KIF1A: variants seen among roughly 807,000 people sequenced by gnomAD.
KIF1A encodes kinesin family member 1A, also known as kinesin-like protein KIF1A.
A neutral mutation model predicts 227.3 loss-of-function variants in KIF1A; 46 were observed. The ratio of observed to expected loss-of-function variants is 0.20; its 90% CI spans 0.16 to 0.26. The LOEUF (loss-of-function observed/expected upper bound fraction) is 0.26. Ranked by LOEUF, KIF1A falls within the 10% of genes least tolerant of loss-of-function variation. KIF1A has a pLI of 1.00. For missense variants in KIF1A, 1,683 were observed against 2,485.9 expected, an observed-to-expected ratio of 0.68 and a Z score of 6.87; for synonymous variants, 1,022 against 1,012.8, an observed-to-expected ratio of 1.01 and a Z score of -0.17.
In KIF1A at chr2:240,714,865, C is replaced by A. The variant is rs565866804; in HGVS notation, c.*2499G>T. The A allele has an allele frequency of 6.6e-6, 1 of 152,270 alleles. No homozygotes were observed. Among genetic ancestry groups the A allele is most frequent in the African/African-American group, 2.4e-5 (1 of 41,454 alleles). 9.4% of individuals were successfully genotyped at this position (152,270 alleles called of 1,614,324 possible). A position where few individuals can be genotyped will look rare whatever the true frequency, so the allele number is the denominator to read the frequency against. On this transcript the variant is annotated 3_prime_UTR_variant, in exon 49 of 49. Coordinates refer to ENST00000498729, the MANE Select transcript of KIF1A (RefSeq NM_001244008.2). ...CTCTGGGTCCTAGCCAAGGCCAACA[C>A]GGCACCTGGCTGAGAGGACACAGCC... is the stretch of plus-strand genomic sequence containing the variant.
chr2:240,765,500 G>A (rs2051058893), intron 20 of KIF1A, among the ~76,000 whole-genome samples: 1 of 152,260 alleles, frequency 6.6e-6, no homozygotes, highest in South Asian at 2.1e-4. Context: ...TTGTGTGAAT[G>A]GGGCCTGTAG....
chr2:240,759,456 C>G (rs899094576), intron 25 of KIF1A, among the ~76,000 whole-genome samples: 1 of 152,192 alleles, frequency 6.6e-6, no homozygotes. Flanking sequence ...CAACTAGGGA[C>G]AGCCCTATGC....
chr2:240,747,453 G>A (rs1042368316), intron 28 of KIF1A, 132 bp from the exon 29 acceptor site: 9 of 641,706 alleles, frequency 1.4e-5, no homozygotes, highest in Middle Eastern at 4.1e-4. Flanking sequence ...ACCCCTGACC[G>A]AATCTGCCAC....
chr2:240,778,563 G>A lies in KIF1A; in HGVS notation c.883-2637C>T, dbSNP rs187670202. Among the ~76,000 whole-genome samples, 309 of 121,632 alleles carry A rather than the reference G, an allele frequency of 2.5e-3. No homozygotes were observed. The highest frequency in any genetic ancestry group is 0.011 in the African/African-American group (298 of 26,814). The allele number at this position is 121,632 out of a possible 152,430, so 79.8% of individuals were successfully genotyped here. On this transcript the variant is annotated intron_variant, in intron 10 of 48. Transcript: ENST00000498729. The surrounding 1 kb of genome is among the most constrained non-coding windows in gnomAD (Gnocchi z 7.2). The stretch of plus-strand genomic sequence containing the variant: ...ACACACAGGCTTCTCAGTGTCCCAC[G>A]GGCCTCACAGCAGCCACGCAGCTCC...
Position 240,788,364 on chromosome 2 carries a change from C to G in KIF1A, c.184-134G>C. 1 of 759,248 alleles carries G rather than the reference C, an allele frequency of 1.3e-6. No homozygotes were observed. The highest frequency in any genetic ancestry group is 1.6e-5 in the South Asian group (1 of 63,608). The allele number at this position is 759,248 out of a possible 1,614,324, so 47.0% of individuals were successfully genotyped here. On this transcript the variant is annotated intron_variant, in intron 3 of 48. Transcript: ENST00000498729. This position sits in a 1 kb window ranked among gnomAD's most constrained non-coding sequence, Gnocchi z 6.6. The stretch of plus-strand genomic sequence containing the variant: ...GCACAGTGGGGAGGGATGCCTGCCC[C>G]CCATCCTACTCCTGCCTTGTGGGGT...
chr2:240,803,115 G>T (rs1403837362), intron 1 of KIF1A, among the ~76,000 whole-genome samples: 1 of 152,144 alleles, frequency 6.6e-6, no homozygotes, highest in Non-Finnish European at 1.5e-5. Flanking sequence ...CAACCCAATT[G>T]CTTGGACACT....
At chr2:240,800,123 C>A (rs1441217461) in intron 1 of KIF1A, among the ~76,000 whole-genome samples, 2 of 151,638 alleles carry the variant, frequency 1.3e-5, no homozygotes, top group Non-Finnish European at 2.9e-5. Flanking sequence ...CACACACACA[C>A]ACACACACAC....
Position 240,725,500 on chromosome 2 carries a change from C to T in KIF1A, c.4123-96G>A. The T allele has an allele frequency of 1.5e-6, 2 of 1,364,722 alleles. No individual in the cohort carries two copies. Among genetic ancestry groups the T allele is most frequent in the South Asian group, 1.3e-5 (1 of 74,966 alleles). The allele number at this position is 1,364,722 out of a possible 1,614,324, so 84.5% of individuals were successfully genotyped here. ...CTGGGGGCACAATGCCCAGCACCGACAGGCAGCCCCAGGGCCTTCCCAGGG... is the reference window on the plus strand; with the variant it reads ...CTGGGGGCACAATGCCCAGCACCGATAGGCAGCCCCAGGGCCTTCCCAGGG... On this transcript the variant is annotated intron_variant, in intron 39 of 48. Transcript: ENST00000498729. This position sits in a 1 kb window ranked among gnomAD's most constrained non-coding sequence, Gnocchi z 5.8.
At chr2:240,810,905 C>T (rs772935514) in intron 1 of KIF1A, among the ~76,000 whole-genome samples, 4 of 152,184 alleles carry the variant, frequency 2.6e-5, no homozygotes, top group Non-Finnish European at 5.9e-5. Context: ...TGATGTGGGT[C>T]GGCCGAGATG....
intron 5 of KIF1A, among the ~76,000 whole-genome samples, chr2:240,786,920 G>C (rs1229770356): frequency 6.6e-6 from 1 of 152,090 alleles, no homozygotes; most frequent in Admixed American, 6.5e-5. Context: ...CCTCACCACG[G>C]CCATCCTGGG....
rs761334614 is a variant in KIF1A at position 240,797,802 on chromosome 2, G to A, written c.-50C>T. On this transcript the variant is annotated 5_prime_UTR_variant, in exon 2 of 49. Coordinates refer to ENST00000498729, the MANE Select transcript of KIF1A (RefSeq NM_001244008.2). Reference sequence around the variant, plus strand: ...CTCGCAGTAGTGGGAGCCCCAGTGTGGGGGGAACACCTTGGAAAAAAGGGA... The same window carrying A: ...CTCGCAGTAGTGGGAGCCCCAGTGTAGGGGGAACACCTTGGAAAAAAGGGA... 2.0e-5 allele frequency: 23 copies of A among 1,174,682 alleles called. No homozygotes were observed. The highest frequency in any genetic ancestry group is 2.7e-5 in the Non-Finnish European group (22 of 803,200). The allele number at this position is 1,174,682 out of a possible 1,614,324, so 72.8% of individuals were successfully genotyped here.
At chr2:240,809,163 T>C (rs1299093871) in intron 1 of KIF1A, among the ~76,000 whole-genome samples, 1 of 152,272 alleles carries the variant, frequency 6.6e-6, no homozygotes, top group Non-Finnish European at 1.5e-5. Context: ...TTTACCCAAA[T>C]TGATTCAAAA....
intron 11 of KIF1A, among the ~76,000 whole-genome samples, chr2:240,774,945 G>A (rs1212701857): frequency 6.6e-6 from 1 of 152,146 alleles, no homozygotes; most frequent in Non-Finnish European, 1.5e-5. Flanking sequence ...GTCCCCATAG[G>A]GACTGAAGAG....
intron 34 of KIF1A, among the ~76,000 whole-genome samples, chr2:240,741,959 T>G (rs1002083421): frequency 3.3e-5 from 5 of 152,150 alleles, no homozygotes; most frequent in Non-Finnish European, 7.4e-5. Flanking sequence ...ATCACACAGG[T>G]CCTCTTCTAG....
chr2:240,809,483 G>A (rs746425334), intron 1 of KIF1A, among the ~76,000 whole-genome samples: 3 of 152,178 alleles, frequency 2.0e-5, no homozygotes, highest in Admixed American at 6.5e-5. Flanking sequence ...ACAGAGCAAG[G>A]GGGAGAGGAC....
chr2:240,790,758 G>GTGA lies in KIF1A; in HGVS notation c.107-1449_107-1447dup. On this transcript the variant is annotated intron_variant, in intron 2 of 48. Transcript: ENST00000498729. This position sits in a 1 kb window ranked among gnomAD's most constrained non-coding sequence, Gnocchi z 5.0. ...TGAGAACATGAGGGCAGAGATCAGG[G>GTGA]TGATGACAAGCTAGGAACACCAGAA... 6.6e-6 allele frequency among the ~76,000 whole-genome samples: 1 copy of GTGA among 152,076 alleles called. No individual in the cohort carries two copies. The highest frequency in any genetic ancestry group is 1.5e-5 in the Non-Finnish European group (1 of 68,008).
intron 10 of KIF1A, among the ~76,000 whole-genome samples, chr2:240,780,708 C>T (rs1292791879): frequency 1.3e-5 from 2 of 151,656 alleles, no homozygotes; most frequent in Non-Finnish European, 2.9e-5. Context: ...GGTCCTCACA[C>T]AGGTTCTTCC....
chr2:240,784,779 T>C (rs1217548518), intron 7 of KIF1A, among the ~76,000 whole-genome samples: 1 of 148,934 alleles, frequency 6.7e-6, no homozygotes, highest in Non-Finnish European at 1.5e-5. Flanking sequence ...GCCTGGTCCA[T>C]GGAGAATGCC....
At chr2:240,786,625 GA>G (rs149386840) in intron 5 of KIF1A, 112 bp from the exon 6 acceptor site, 40 of 888,350 alleles carry the variant, frequency 4.5e-5, no homozygotes, top group Middle Eastern at 3.3e-4. Context: ...CCTGAGTGAG[GA>G]GATGGGGGCC....
Sources: allele counts gnomAD v4.1 joint callset (sites outside exome capture counted in the v4.1 genomes callset), GRCh38; gene constraint gnomAD v4.1.1; non-coding constraint Gnocchi (gnomAD v3.1); transcripts MANE v1.5; gene names NCBI Gene and HGNC (gene_info 2026-07-23, HGNC 2026-07-21).